ST18: variants seen among roughly 807,000 people sequenced by gnomAD.
The protein encoded by ST18 is suppression of tumorigenicity 18 protein.
In ST18, 50 loss-of-function variants were observed where a neutral mutation model predicts 110.0. The observed-to-expected ratio is 0.45, with a 90% CI of 0.36 to 0.58. ST18 has a LOEUF of 0.58. Ranked by LOEUF, ST18 falls within the 20% of genes least tolerant of loss-of-function variation. The pLI, the probability that ST18 is intolerant of heterozygous loss-of-function variation, is 0.00. For missense variants in ST18, 1,306 were observed against 1,280.1 expected, an observed-to-expected ratio of 1.02 and a Z score of -0.31; for synonymous variants, 461 against 452.4, an observed-to-expected ratio of 1.02 and a Z score of -0.24.
Position 52,149,847 on chromosome 8 carries a change from T to A in ST18, c.1937A>T (p.Lys646Ile). The A allele has an allele frequency of 1.2e-6, 2 of 1,614,170 alleles. No individual in the cohort carries two copies. The highest frequency in any genetic ancestry group is 1.7e-6 in the Non-Finnish European group (2 of 1,180,016). ...TGCATTGACCAGAATGCTGCTTGTT[T>A]TGAATGGGGAAGAGGAAGGAGTTGG... is the stretch of plus-strand genomic sequence containing the variant. Reference protein sequence around the residue: ...SIPTPSSSPFKTSSILVNAAF... With the variant: ...SIPTPSSSPFITSSILVNAAF... The change falls in exon 16 of 26, where the codon AAA (lysine) becomes ATA (isoleucine). Residue 646 changes from lysine to isoleucine, a missense_variant. Coordinates refer to ENST00000689386, the MANE Select transcript of ST18 (RefSeq NM_001352837.2).
intron 2 of ST18, among the ~76,000 whole-genome samples, chr8:52,408,293 A>T (rs1423129853): frequency 6.6e-6 from 1 of 152,224 alleles, no homozygotes; most frequent in Admixed American, 6.5e-5. Flanking sequence ...ATTCCTGCTA[A>T]TTTGACAGCA....
At chr8:52,162,201 A>G (rs1434933728) in intron 13 of ST18, among the ~76,000 whole-genome samples, 1 of 151,956 alleles carries the variant, frequency 6.6e-6, no homozygotes, top group Non-Finnish European at 1.5e-5. Flanking sequence ...ACAGAGCAAG[A>G]CTCCATCTCA....
At chr8:52,365,971 C>CA (rs1279369118) in intron 2 of ST18, among the ~76,000 whole-genome samples, 2 of 151,952 alleles carry the variant, frequency 1.3e-5, no homozygotes, top group African/African-American at 4.8e-5. Flanking sequence ...CAAAGCCAGG[C>CA]ACAGTTTTGA....
At chr8:52,306,213 A>G (rs1287758942) in intron 2 of ST18, among the ~76,000 whole-genome samples, 3 of 152,220 alleles carry the variant, frequency 2.0e-5, no homozygotes, top group Non-Finnish European at 2.9e-5. Flanking sequence ...AGCTCTGGCC[A>G]TCTTAACTAA....
At chr8:52,359,233 C>T (rs931798617) in intron 2 of ST18, among the ~76,000 whole-genome samples, 14 of 152,122 alleles carry the variant, frequency 9.2e-5, no homozygotes, top group Admixed American at 7.9e-4. Context: ...AAGGGAACTG[C>T]CTCCACGTGG....
chr8:52,229,189 G>T (rs1341757359), intron 3 of ST18, among the ~76,000 whole-genome samples: 3 of 152,076 alleles, frequency 2.0e-5, no homozygotes, highest in Non-Finnish European at 4.4e-5. Context: ...CCCATCTATT[G>T]GTGGGCTTAT....
At chr8:52,236,400 A>G (rs1464650182) in intron 2 of ST18, among the ~76,000 whole-genome samples, 1 of 152,176 alleles carries the variant, frequency 6.6e-6, no homozygotes, top group Non-Finnish European at 1.5e-5. Context: ...ACTTGAGTTC[A>G]GGAGTTCAAG....
chr8:52,112,660 G>A lies in ST18; in HGVS notation c.*538C>T, dbSNP rs2040871107. On this transcript the variant is annotated 3_prime_UTR_variant, in exon 26 of 26. Coordinates refer to ENST00000689386, the MANE Select transcript of ST18 (RefSeq NM_001352837.2). ...AAATACAAAAATCAGTGAAAGGTGG[G>A]GGAAGAAGTGTGCAATAAAAATCAA... 6.6e-6 allele frequency: 1 copy of A among 152,554 alleles called. No homozygotes were observed. The highest frequency in any genetic ancestry group is 2.4e-5 in the African/African-American group (1 of 41,424). 9.5% of individuals were successfully genotyped at this position (152,554 alleles called of 1,614,324 possible).
chr8:52,131,873 G>T (rs1410297891), intron 22 of ST18, 85 bp downstream of exon 22: 2 of 1,262,294 alleles, frequency 1.6e-6, no homozygotes, highest in Non-Finnish European at 1.1e-6. Flanking sequence ...AACCTTTAGG[G>T]GGTTGTTCAC....
chr8:52,159,693 T>C (rs1240229436), intron 14 of ST18, among the ~76,000 whole-genome samples: 2 of 152,186 alleles, frequency 1.3e-5, no homozygotes, highest in African/African-American at 2.4e-5. Context: ...GAGTCTTTAA[T>C]GAGCTGGCAT....
intron 15 of ST18, among the ~76,000 whole-genome samples, chr8:52,157,833 C>G (rs186488223): frequency 2.6e-5 from 4 of 152,264 alleles, no homozygotes; most frequent in African/African-American, 9.6e-5. Flanking sequence ...ACAGCACAGG[C>G]AGCAGCTGAC....
At chr8:52,287,483 T>C (rs2095488909) in intron 2 of ST18, among the ~76,000 whole-genome samples, 1 of 152,176 alleles carries the variant, frequency 6.6e-6, no homozygotes, top group Admixed American at 6.5e-5. Context: ...AAATATAGAA[T>C]TTAAAAGCTT....
In ST18 at chr8:52,208,266, A is replaced by T. The variant is rs151021448; in HGVS notation, c.86+3813T>A. ...TGCATTCTAAAAAGAAGAACCAAATAAAGTTGCCAGTGTTCTCTACAAAAT... is the reference window on the plus strand; with the variant it reads ...TGCATTCTAAAAAGAAGAACCAAATTAAGTTGCCAGTGTTCTCTACAAAAT... On this transcript the variant is annotated intron_variant, in intron 8 of 25. Transcript: ENST00000689386. Among the ~76,000 whole-genome samples the T allele has an allele frequency of 6.8e-3, 1,029 of 152,330 alleles. 5 individuals are homozygous for T. The highest frequency in any genetic ancestry group is 0.011 in the Non-Finnish European group (761 of 68,034).
chr8:52,161,667 AG>A, intron 13 of ST18, 99 bp from the exon 14 acceptor site: 1 of 1,319,588 alleles, frequency 7.6e-7, no homozygotes, highest in Non-Finnish European at 1.0e-6. Context: ...TCACTCCTGA[AG>A]GTATCCACAG....
chr8:52,252,314 T>A (rs1289400394), intron 2 of ST18, among the ~76,000 whole-genome samples: 1 of 152,050 alleles, frequency 6.6e-6, no homozygotes, highest in Non-Finnish European at 1.5e-5. Flanking sequence ...AATTTAATTC[T>A]GACTTTTAAA....
intron 9 of ST18, among the ~76,000 whole-genome samples, chr8:52,176,952 G>A (rs1436341196): frequency 6.6e-6 from 1 of 152,208 alleles, no homozygotes; most frequent in African/African-American, 2.4e-5. Flanking sequence ...ATCTTTCAAA[G>A]TTCCGAAAGC....
chr8:52,277,656 A>G (rs186728333), intron 2 of ST18, among the ~76,000 whole-genome samples: 1 of 152,374 alleles, frequency 6.6e-6, no homozygotes, highest in Admixed American at 6.5e-5. Context: ...ATCAAGGTGA[A>G]TAACTTTAAG....
chr8:52,393,041 A>G (rs1839846100), intron 2 of ST18, among the ~76,000 whole-genome samples: 1 of 152,070 alleles, frequency 6.6e-6, no homozygotes, highest in Non-Finnish European at 1.5e-5. Context: ...GTCAGCACAA[A>G]TTGGCCTTAG....
intron 2 of ST18, among the ~76,000 whole-genome samples, chr8:52,342,166 C>T (rs1183679786): frequency 6.6e-6 from 1 of 151,990 alleles, no homozygotes; most frequent in Non-Finnish European, 1.5e-5. Context: ...TTAGCCCTTC[C>T]ACAATGTATA....
Sources: gnomAD v4.1 joint callset for allele counts (sites outside exome capture counted in the v4.1 genomes callset) on GRCh38, gnomAD v4.1.1 for gene constraint, MANE v1.5 for transcripts, NCBI Gene and HGNC (gene_info 2026-07-23, HGNC 2026-07-21) for gene names.